Variants in NUMB observed in about 807,000 individuals in gnomAD.
NUMB encodes the protein protein numb homolog.
In NUMB, 29 loss-of-function variants were observed where a neutral mutation model predicts 59.7. The observed-to-expected ratio is 0.49, with a 90% CI of 0.36 to 0.66. NUMB has a LOEUF of 0.66. Ranked by LOEUF, NUMB falls within the 30% of genes least tolerant of loss-of-function variation. The pLI, the probability that NUMB is intolerant of heterozygous loss-of-function variation, is 0.00. For missense variants in NUMB, 723 were observed against 822.0 expected (o/e 0.88, Z 1.47); for synonymous variants, 288 against 288.2 (o/e 1.00, Z 0.01).
chr14:73,402,411 A>G (rs1896461407), intron 2 of NUMB, among the ~76,000 whole-genome samples: 1 of 152,190 alleles, frequency 6.6e-6, no homozygotes, highest in Admixed American at 6.5e-5. Context: ...ATTGCACTGT[A>G]GATATATCTA....
In NUMB at chr14:73,442,706, G is replaced by A. The variant is rs546384005; in HGVS notation, c.-233+15787C>T. 9.2e-5 allele frequency among the ~76,000 whole-genome samples: 14 copies of A among 152,258 alleles called. 1 individual carries two copies. Among genetic ancestry groups the A allele is most frequent in the South Asian group, 8.3e-4 (4 of 4,828 alleles). On this transcript the variant is annotated intron_variant, in intron 1 of 12. Coordinates refer to ENST00000555238, the MANE Select transcript of NUMB (RefSeq NM_001005743.2). ...CTATTTATATAAAATTCTAGAAATT[G>A]CAAACTAATCCATAATGACAGACAG...
intron 2 of NUMB, among the ~76,000 whole-genome samples, chr14:73,407,816 C>T (rs1433761669): frequency 6.6e-6 from 1 of 152,148 alleles, no homozygotes; most frequent in Non-Finnish European, 1.5e-5. Flanking sequence ...AAATATTTTC[C>T]ATCACATCCA....
rs145908660 is a variant in NUMB, at chr14:73,308,129, T to C, written c.234+8261A>G. Among the ~76,000 whole-genome samples, 1,036 of 152,238 alleles carry C rather than the reference T, an allele frequency of 6.8e-3. 4 individuals carry two copies. Among genetic ancestry groups the C allele is most frequent in the South Asian group, 0.03 (144 of 4,822 alleles). On this transcript the variant is annotated intron_variant, in intron 6 of 12. Transcript: ENST00000555238. ...CAGGGGTAGTAGGATGCTAGTAGGA[T>C]GCTACTGCAATGGTTCAGATAAGAG...
rs11625196 is a variant in NUMB at position 73,276,497 on chromosome 14, G to C, written c.*81C>G. 230,981 of 1,093,494 alleles carry C rather than the reference G, an allele frequency of 0.21. 31,816 individuals are homozygous for C. The highest frequency in any genetic ancestry group is 0.71 in the East Asian group (29,290 of 41,148). The allele number at this position is 1,093,494 out of a possible 1,614,324, so 67.7% of individuals were successfully genotyped here. ...TTAGTGAAAAGAGTACTAATCAGGAGACAAAGTCTGTTTTGCTCCTTTGAC... is the reference window on the plus strand; with the variant it reads ...TTAGTGAAAAGAGTACTAATCAGGACACAAAGTCTGTTTTGCTCCTTTGAC... On this transcript the variant is annotated 3_prime_UTR_variant, in exon 13 of 13. Coordinates refer to ENST00000555238, the MANE Select transcript of NUMB (RefSeq NM_001005743.2).
intron 1 of NUMB, among the ~76,000 whole-genome samples, chr14:73,434,997 T>C (rs1897990847): frequency 6.6e-6 from 1 of 152,116 alleles, no homozygotes; most frequent in Non-Finnish European, 1.5e-5. Context: ...ACACAATCTT[T>C]TACTAAGATA....
At chr14:73,445,172 A>G (rs1028500532) in intron 1 of NUMB, among the ~76,000 whole-genome samples, 1 of 151,792 alleles carries the variant, frequency 6.6e-6, no homozygotes. Context: ...TAGGCAACAC[A>G]GGAGATCCCA....
intron 6 of NUMB, among the ~76,000 whole-genome samples, chr14:73,305,964 A>T (rs1182469456): frequency 6.6e-6 from 1 of 151,918 alleles, no homozygotes; most frequent in Non-Finnish European, 1.5e-5. Context: ...CAGAAAAGAA[A>T]AGCCTTGAAG....
intron 2 of NUMB, among the ~76,000 whole-genome samples, chr14:73,381,411 T>C (rs1895235347): frequency 6.6e-6 from 1 of 152,186 alleles, no homozygotes; most frequent in Non-Finnish European, 1.5e-5. Flanking sequence ...CTTGAAACGA[T>C]TTAGCCCTTG....
chr14:73,337,821 T>C (rs566150058), intron 4 of NUMB, among the ~76,000 whole-genome samples: 1 of 152,344 alleles, frequency 6.6e-6, no homozygotes, highest in Admixed American at 6.5e-5. Context: ...AAGTGGTTAA[T>C]ATTTTTATAA....
chr14:73,279,200 A>G, intron 12 of NUMB, 81 bp downstream of exon 12: 1 of 1,519,012 alleles, frequency 6.6e-7, no homozygotes, highest in East Asian at 2.3e-5. Context: ...CCTAGTTCCC[A>G]CTCAGCTAAC....
At chr14:73,425,946 C>A (rs927642206) in intron 1 of NUMB, among the ~76,000 whole-genome samples, 5 of 151,742 alleles carry the variant, frequency 3.3e-5, no homozygotes, top group Admixed American at 3.3e-4. Context: ...ATAGGTGGGA[C>A]TACAGGTACG....
intron 1 of NUMB, among the ~76,000 whole-genome samples, chr14:73,438,070 G>A (rs1196644945): frequency 6.6e-6 from 1 of 152,106 alleles, no homozygotes; most frequent in Non-Finnish European, 1.5e-5. Context: ...CACTGTTAAT[G>A]GAAATGTAAA....
At chr14:73,446,910 C>T (rs778264781) in intron 1 of NUMB, among the ~76,000 whole-genome samples, 31 of 151,378 alleles carry the variant, frequency 2.0e-4, no homozygotes, top group Non-Finnish European at 2.5e-4. Context: ...AAAATAAGGC[C>T]GGGCGCAGTG....
intron 4 of NUMB, among the ~76,000 whole-genome samples, chr14:73,341,320 C>T (rs1463285636): frequency 6.6e-6 from 1 of 151,814 alleles, no homozygotes; most frequent in African/African-American, 2.4e-5. Context: ...TATAGGATAC[C>T]AACAGTAGAA....
At chr14:73,332,227 A>C (rs1000940312) in intron 4 of NUMB, among the ~76,000 whole-genome samples, 43 of 152,170 alleles carry the variant, frequency 2.8e-4, no homozygotes, top group African/African-American at 9.1e-4. Flanking sequence ...GGTGACACCA[A>C]AGACTTTAGC....
intron 4 of NUMB, among the ~76,000 whole-genome samples, chr14:73,353,299 G>C (rs1893565234): frequency 6.7e-6 from 1 of 149,104 alleles, no homozygotes; most frequent in Non-Finnish European, 1.5e-5. Flanking sequence ...GTTGGTCAGG[G>C]TGGTCTTGAA....
intron 1 of NUMB, among the ~76,000 whole-genome samples, chr14:73,421,506 T>G (rs1432725761): frequency 2.6e-5 from 4 of 152,160 alleles, no homozygotes; most frequent in Non-Finnish European, 4.4e-5. Flanking sequence ...TAAAATATTT[T>G]AATATGCAAA....
intron 4 of NUMB, among the ~76,000 whole-genome samples, chr14:73,344,526 G>A (rs934919268): frequency 7.9e-5 from 12 of 152,152 alleles, no homozygotes; most frequent in African/African-American, 2.4e-4. Context: ...TGGTTTAAGC[G>A]GTAAACACAT....
chr14:73,395,061 G>A (rs981546062), intron 2 of NUMB, among the ~76,000 whole-genome samples: 2 of 149,746 alleles, frequency 1.3e-5, no homozygotes, highest in Non-Finnish European at 1.5e-5. Flanking sequence ...GTGTGTGTGT[G>A]TGTGTGTGTG....
Sources: gnomAD v4.1 joint callset for allele counts (sites outside exome capture counted in the v4.1 genomes callset) on GRCh38, gnomAD v4.1.1 for gene constraint, MANE v1.5 for transcripts, NCBI Gene and HGNC (gene_info 2026-07-23, HGNC 2026-07-21) for gene names.